XIRP2: variants seen among roughly 807,000 people sequenced by gnomAD.
XIRP2 encodes the protein xin actin binding repeat containing 2.
In XIRP2, 236 loss-of-function variants were observed where a neutral mutation model predicts 277.0. The observed-to-expected ratio is 0.85, with a 90% confidence interval of 0.77 to 0.95. XIRP2 has a LOEUF of 0.95. XIRP2 is among the 40% of genes least tolerant of loss of function. The pLI is 0.00. For synonymous variants in XIRP2, 1,490 were observed against 1,416.5 expected, an observed-to-expected ratio of 1.05 and a Z score of -1.17; for missense variants, 4,640 against 4,157.5, an observed-to-expected ratio of 1.12 and a Z score of -3.19.
At chr2:167,040,790 G>A (rs1688640162) in intron 2 of XIRP2, among the ~76,000 whole-genome samples, 1 of 152,122 alleles carries the variant, frequency 6.6e-6, no homozygotes, top group East Asian at 1.9e-4. Flanking sequence ...GCAGACCCTA[G>A]GTAAATAGCC....
At chr2:167,178,226 A>G (rs1468996929) in intron 3 of XIRP2, among the ~76,000 whole-genome samples, 2 of 152,138 alleles carry the variant, frequency 1.3e-5, no homozygotes, top group African/African-American at 4.8e-5. Flanking sequence ...TCAGTTACCT[A>G]TATTAAAAAG....
At chr2:166,928,192 G>C (rs1387999326) in intron 2 of XIRP2, among the ~76,000 whole-genome samples, 3 of 152,068 alleles carry the variant, frequency 2.0e-5, no homozygotes, top group Non-Finnish European at 2.9e-5. Flanking sequence ...AGATAAGTTG[G>C]CTATTCCTAA....
rs145116144 is a variant in XIRP2, at chr2:166,974,747, A to C, written c.408+70857A>C. Among the ~76,000 whole-genome samples, 32 of 152,164 alleles carry C rather than the reference A, an allele frequency of 2.1e-4. No individual in the cohort carries two copies. In the East Asian group the frequency reaches 6.0e-3, roughly 28 times the overall value. On this transcript the variant is annotated intron_variant, in intron 2 of 10. Transcript: ENST00000409195. ...AGAGAAGAGAAGAACAGATAGAACA[A>C]ATATAAAAATATTGCAAGTAAAATA...
intron 2 of XIRP2, among the ~76,000 whole-genome samples, chr2:166,983,519 C>A (rs1394879918): frequency 3.3e-5 from 5 of 152,118 alleles, no homozygotes; most frequent in African/African-American, 7.2e-5. Flanking sequence ...TGTTGGTATG[C>A]TATAGACACT....
chr2:166,946,466 G>A (rs1685866661), intron 2 of XIRP2, among the ~76,000 whole-genome samples: 1 of 152,096 alleles, frequency 6.6e-6, no homozygotes, highest in Admixed American at 6.6e-5. Context: ...GTTGTGCATA[G>A]CCCTGGATGG....
chr2:167,020,490 G>A (rs1167612703), intron 2 of XIRP2, among the ~76,000 whole-genome samples: 2 of 151,848 alleles, frequency 1.3e-5, no homozygotes, highest in African/African-American at 4.8e-5. Context: ...AAAACACCAT[G>A]TATTATATAA....
intron 2 of XIRP2, among the ~76,000 whole-genome samples, chr2:167,046,563 A>G (rs1380468432): frequency 6.6e-6 from 1 of 152,060 alleles, no homozygotes; most frequent in African/African-American, 2.4e-5. Flanking sequence ...AAAATGTAGT[A>G]CATATACACC....
chr2:167,252,087 T>G (rs1230934311), intron 9 of XIRP2, 140 bp downstream of exon 9: 2 of 1,272,728 alleles, frequency 1.6e-6, no homozygotes, highest in Non-Finnish European at 2.1e-6. Context: ...CCATGTATGC[T>G]TATAGACTCT....
rs182623259 is a variant in XIRP2, at chr2:167,051,157, C to T, written c.409-84752C>T. ...CCAATCCAAATATCATTTCTTCTACCCGCTACTGTGAGAATTTCACGAAGC... is the reference window on the plus strand; with the variant it reads ...CCAATCCAAATATCATTTCTTCTACTCGCTACTGTGAGAATTTCACGAAGC... On this transcript the variant is annotated intron_variant, in intron 2 of 10. Transcript: ENST00000409195. Among the ~76,000 whole-genome samples the T allele has an allele frequency of 5.5e-4, 83 of 152,136 alleles. No homozygotes were observed. In the East Asian group the frequency reaches 0.013, roughly 23 times the overall value.
chr2:167,014,114 CCT>C (rs1292234563), intron 2 of XIRP2, among the ~76,000 whole-genome samples: 1 of 151,560 alleles, frequency 6.6e-6, no homozygotes, highest in East Asian at 1.9e-4. Flanking sequence ...CTCTTATCCC[CCT>C]CTTTTTATTG....
chr2:166,975,492 G>T (rs1371651464), intron 2 of XIRP2, among the ~76,000 whole-genome samples: 2 of 150,938 alleles, frequency 1.3e-5, no homozygotes, highest in Admixed American at 1.3e-4. Context: ...CTTCAAAAAA[G>T]AAAAGAAAAG....
chr2:167,259,475 G>A lies in XIRP2; in HGVS notation c.*1658G>A, dbSNP rs558983032. The A allele has an allele frequency of 4.6e-6, 5 of 1,093,608 alleles. No individual in the cohort carries two copies. Among genetic ancestry groups the A allele is most frequent in the African/African-American group, 1.6e-5 (1 of 61,954 alleles). The allele number at this position is 1,093,608 out of a possible 1,614,324, so 67.7% of individuals were successfully genotyped here. A position where few individuals can be genotyped will look rare whatever the true frequency, so the allele number is the denominator to read the frequency against. Reference sequence around the variant, plus strand: ...TTGAGGAACTTGATGTAAACATGGTGTTCAGAAATCTCGTGTCTATCTCAA... The same window carrying A: ...TTGAGGAACTTGATGTAAACATGGTATTCAGAAATCTCGTGTCTATCTCAA... On this transcript the variant is annotated 3_prime_UTR_variant, in exon 11 of 11. Transcript: ENST00000409195.
chr2:167,253,346 A>G (rs947428004), intron 9 of XIRP2, among the ~76,000 whole-genome samples: 6 of 151,862 alleles, frequency 4.0e-5, no homozygotes, highest in African/African-American at 1.4e-4. Context: ...ATGTAGGAAA[A>G]CTACATAAGC....
intron 2 of XIRP2, among the ~76,000 whole-genome samples, chr2:167,024,849 G>C (rs1282212583): frequency 6.6e-6 from 1 of 152,070 alleles, no homozygotes; most frequent in African/African-American, 2.4e-5. Context: ...TGCTGGATTT[G>C]GTTTGCCAGT....
rs759581649 is a variant in XIRP2, at chr2:167,242,630, C to A, written c.1238C>A (p.Ser413Tyr). The A allele has an allele frequency of 6.2e-7, 1 of 1,614,070 alleles. No individual in the cohort carries two copies. Among genetic ancestry groups the A allele is most frequent in the East Asian group, 2.2e-5 (1 of 44,862 alleles). Reference sequence around the variant, plus strand: ...TCAGTTGTGAGTACCTCTTCCACTTCTTGCGTTTCAACCAGCCAGAGGAAG... The same window carrying A: ...TCAGTTGTGAGTACCTCTTCCACTTATTGCGTTTCAACCAGCCAGAGGAAG... ...PSSVVSTSST[S>Y]CVSTSQRKET... Residue 413 changes from serine (S) to tyrosine (Y), a missense_variant, in exon 9 of 11, where the codon TCT (serine) becomes TAT (tyrosine). Physicochemically the swap from Ser to Tyr is moderately radical, Grantham distance 144. Transcript: ENST00000409195.
chr2:166,975,873 G>A (rs1271758281), intron 2 of XIRP2, among the ~76,000 whole-genome samples: 1 of 132,764 alleles, frequency 7.5e-6, no homozygotes, highest in Non-Finnish European at 1.5e-5. Context: ...GGAGCTTGCA[G>A]TGAGCCGAGA....
chr2:166,967,022 G>C (rs1319581373), intron 2 of XIRP2, among the ~76,000 whole-genome samples: 3 of 151,924 alleles, frequency 2.0e-5, no homozygotes, highest in Non-Finnish European at 4.4e-5. Context: ...ACTGCATCTA[G>C]TCTGTGTATT....
intron 1 of XIRP2, among the ~76,000 whole-genome samples, chr2:166,899,535 A>T (rs900472530): frequency 6.6e-6 from 1 of 152,004 alleles, no homozygotes; most frequent in East Asian, 1.9e-4. Context: ...CCCCTAGCCA[A>T]TTTTTTAGTA....
chr2:167,118,992 G>T (rs1690975507), intron 2 of XIRP2, among the ~76,000 whole-genome samples: 2 of 152,296 alleles, frequency 1.3e-5, no homozygotes, highest in South Asian at 4.1e-4. Flanking sequence ...AGAGCCTAGA[G>T]TGTTAAATGA....
Sources: allele counts gnomAD v4.1 joint callset (sites outside exome capture counted in the v4.1 genomes callset), GRCh38; gene constraint gnomAD v4.1.1; transcripts MANE v1.5; gene names NCBI Gene and HGNC (gene_info 2026-07-23, HGNC 2026-07-21).